Variants in UBFD1 observed in about 807,000 individuals in gnomAD.
The protein encoded by UBFD1 is ubiquitin family domain containing 1.
A neutral mutation model predicts 35.1 loss-of-function variants in UBFD1; 12 were observed. That is an observed-to-expected ratio of 0.34 (90% CI 0.22 to 0.55). The LOEUF is 0.55. UBFD1 is among the 20% of genes least tolerant of loss of function. UBFD1 has a pLI of 0.89. For synonymous variants in UBFD1, 178 were observed against 167.6 expected (o/e 1.06, Z -0.48); for missense variants, 337 against 410.8 (o/e 0.82, Z 1.55).
At chr16:23,558,583 C>T (rs916697) in intron 2 of UBFD1, among the ~76,000 whole-genome samples, 12,467 of 152,210 alleles carry the variant, frequency 0.082, 902 homozygotes, top group African/African-American at 0.19. Context: ...CTTCTGGGCC[C>T]TTTCCCAGGA....
At chr16:23,559,384 G>A in intron 2 of UBFD1, 84 bp from the exon 3 acceptor site, 1 of 1,242,164 alleles carries the variant, frequency 8.1e-7, no homozygotes, top group African/African-American at 1.5e-5. Context: ...TCACTTTTTG[G>A]TCTGTTACCA....
intron 3 of UBFD1, among the ~76,000 whole-genome samples, chr16:23,561,335 G>A (rs370731648): frequency 3.9e-5 from 6 of 152,180 alleles, no homozygotes; most frequent in Admixed American, 6.5e-5. Context: ...TGATTAAATT[G>A]TTACCTTCTA....
chr16:23,566,047 A>G (rs939701876), intron 5 of UBFD1: 2 of 152,222 alleles, frequency 1.3e-5, no homozygotes, highest in Admixed American at 1.3e-4. Flanking sequence ...ACTCGCCTCA[A>G]TGTCTTCTGA....
chr16:23,560,009 C>T, intron 3 of UBFD1: 2 of 841,690 alleles, frequency 2.4e-6, no homozygotes, highest in Admixed American at 6.5e-5. Context: ...GAAGTAAGCC[C>T]TCATTTTGTA....
rs1049136009 is a variant in UBFD1 at position 23,574,323 on chromosome 16, A to G, written c.*3733A>G. 2.6e-5 allele frequency: 4 copies of G among 152,496 alleles called. No individual in the cohort carries two copies. The highest frequency in any genetic ancestry group is 4.8e-5 in the African/African-American group (2 of 41,404). 9.4% of individuals were successfully genotyped at this position (152,496 alleles called of 1,614,324 possible). On this transcript the variant is annotated 3_prime_UTR_variant, in exon 7 of 7. Transcript: ENST00000395878. ...CTGCTGGATTTTTTTTTTAAAGTGT[A>G]ACCTTGAATAGCTGTCTTATTGTTT... is the stretch of plus-strand genomic sequence containing the variant.
At position 23,558,278 on chromosome 16, in the gene UBFD1, A is replaced by G; in HGVS notation, c.354A>G (p.Thr118=). Residue 118 remains threonine (T), a splice_region_variant and synonymous_variant, in exon 2 of 7, where the codon ACA becomes ACG. Coordinates refer to ENST00000395878, the MANE Select transcript of UBFD1 (RefSeq NM_019116.3). ...SELKQKIHSI[T]GLPPAMQKVM... is the part of the protein sequence containing the mutation. ...TGAAACAGAAGATCCACTCGATTAC[A>G]GGTAATTCCTGTGGCGCTGACAGCC... is the stretch of plus-strand genomic sequence containing the variant. The G allele has an allele frequency of 1.9e-6, 3 of 1,595,236 alleles. No homozygotes were observed. Among genetic ancestry groups the G allele is most frequent in the Non-Finnish European group, 1.7e-6 (2 of 1,171,572 alleles).
At chr16:23,561,418 G>A (rs1224206598) in intron 3 of UBFD1, among the ~76,000 whole-genome samples, 1 of 152,218 alleles carries the variant, frequency 6.6e-6, no homozygotes, top group Non-Finnish European at 1.5e-5. Context: ...GGAGAAGAAA[G>A]AAGACTCAGG....
chr16:23,560,328 A>G (rs1965912110), intron 3 of UBFD1, among the ~76,000 whole-genome samples: 1 of 152,184 alleles, frequency 6.6e-6, no homozygotes, highest in Non-Finnish European at 1.5e-5. Context: ...TTATTTTACT[A>G]TGGAAGGAAC....
intron 6 of UBFD1, chr16:23,568,790 T>C (rs1406746441): frequency 6.6e-6 from 1 of 151,714 alleles, no homozygotes; most frequent in Non-Finnish European, 1.5e-5. Flanking sequence ...ATCGTGCCAC[T>C]ACACTCCAGC....
rs1676441777 is a variant in UBFD1 at position 23,572,882 on chromosome 16, C to G, written c.*2292C>G. 1 of 152,236 alleles carries G rather than the reference C, an allele frequency of 6.6e-6. No homozygotes were observed. The highest frequency in any genetic ancestry group is 6.5e-5 in the Admixed American group (1 of 15,284). The allele number at this position is 152,236 out of a possible 1,614,324, so 9.4% of individuals were successfully genotyped here. Reference sequence around the variant, plus strand: ...AAATCAGCTTCAACAATCTTGAGCTCTGTGGCTCCTCACCCTGTCTGCATG... The same window carrying G: ...AAATCAGCTTCAACAATCTTGAGCTGTGTGGCTCCTCACCCTGTCTGCATG... On this transcript the variant is annotated 3_prime_UTR_variant, in exon 7 of 7. Transcript: ENST00000395878.
At position 23,573,404 on chromosome 16, in the gene UBFD1, T is replaced by TC. The variant is rs1322789265; in HGVS notation, c.*2817dup. ...TCACAGACATCATCATGCCTTTTTTTCCCTCCCTGAGGCGCCTTGGCAGAA... is the reference window on the plus strand; with the variant it reads ...TCACAGACATCATCATGCCTTTTTTTCCCCTCCCTGAGGCGCCTTGGCAGAA... On this transcript the variant is annotated 3_prime_UTR_variant, in exon 7 of 7. Transcript: ENST00000395878. 5 of 152,124 alleles carry TC rather than the reference T, an allele frequency of 3.3e-5. No individual in the cohort carries two copies. The highest frequency in any genetic ancestry group is 1.2e-4 in the African/African-American group (5 of 41,414). The allele number at this position is 152,124 out of a possible 1,614,324, so 9.4% of individuals were successfully genotyped here. A position where few individuals can be genotyped will look rare whatever the true frequency, so the allele number is the denominator to read the frequency against.
Position 23,558,055 on chromosome 16 carries a change from C to A in UBFD1, c.131C>A (p.Ala44Asp). Residue 44 changes from alanine (A) to aspartate (D), a missense_variant, in exon 2 of 7, where the codon GCC becomes GAC. Around this residue, in one of 4 missense-constraint regions of UBFD1, gnomAD observed 198 missense variants for 168.4 expected, o/e 1.18. Transcript: ENST00000395878. ...LEAEAAAGAA[A>D]EDSGAARGSL... Reference sequence around the variant, plus strand: ...GCTGAAGCCGCGGCGGGGGCGGCGGCCGAGGACTCCGGCGCCGCACGAGGC... The same window carrying A: ...GCTGAAGCCGCGGCGGGGGCGGCGGACGAGGACTCCGGCGCCGCACGAGGC... 2 of 1,350,738 alleles carry A rather than the reference C, an allele frequency of 1.5e-6. No homozygotes were observed. Among genetic ancestry groups the A allele is most frequent in the Non-Finnish European group, 1.9e-6 (2 of 1,054,542 alleles). 83.7% of individuals were successfully genotyped at this position (1,350,738 alleles called of 1,614,324 possible). A position where few individuals can be genotyped will look rare whatever the true frequency, so the allele number is the denominator to read the frequency against.
intron 5 of UBFD1, chr16:23,564,368 A>G (rs2269767): frequency 0.18 from 27,948 of 152,090 alleles, 2,745 homozygotes; most frequent in Middle Eastern, 0.22. Context: ...ATAACTTGCT[A>G]TTTTCTTCAT....
chr16:23,562,740 T>C lies in UBFD1; in HGVS notation c.736+10T>C. On this transcript the variant is annotated intron_variant, in intron 5 of 6. Transcript: ENST00000395878. ...TGGATTGGCACTAAAGGTATGTTCT[T>C]CCTCGCCTCCTTGCTGGCCCACTGC... 6.2e-7 allele frequency: 1 copy of C among 1,612,380 alleles called. No individual in the cohort carries two copies. Among genetic ancestry groups the C allele is most frequent in the Non-Finnish European group, 8.5e-7 (1 of 1,178,628 alleles).
intron 5 of UBFD1, chr16:23,564,349 A>T (rs1487980489): frequency 6.6e-6 from 1 of 152,190 alleles, no homozygotes; most frequent in Non-Finnish European, 1.5e-5. Flanking sequence ...GTTTTCTATC[A>T]ATTTTATGAT....
chr16:23,566,970 A>T lies in UBFD1; in HGVS notation c.737-17A>T, dbSNP rs1286198562. ...GGAGGGCCCTTTGAATAATCACTGTAATCCCTCTCAACTTAGAGCGGACTG... is the reference window on the plus strand; with the variant it reads ...GGAGGGCCCTTTGAATAATCACTGTTATCCCTCTCAACTTAGAGCGGACTG... On this transcript the variant is annotated splice_polypyrimidine_tract_variant and intron_variant, in intron 5 of 6. Coordinates refer to ENST00000395878, the MANE Select transcript of UBFD1 (RefSeq NM_019116.3). 6.2e-7 allele frequency: 1 copy of T among 1,613,226 alleles called. No homozygotes were observed. Among genetic ancestry groups the T allele is most frequent in the Admixed American group, 1.7e-5 (1 of 60,000 alleles).
At chr16:23,563,463 T>C (rs1006133052) in intron 5 of UBFD1, among the ~76,000 whole-genome samples, 1 of 152,182 alleles carries the variant, frequency 6.6e-6, no homozygotes, top group Non-Finnish European at 1.5e-5. Context: ...AAAGTCTTGT[T>C]AGTTACACTG....
intron 6 of UBFD1, chr16:23,568,978 A>G (rs1199318688): frequency 2.0e-5 from 3 of 152,170 alleles, no homozygotes; most frequent in African/African-American, 7.2e-5. Flanking sequence ...TAGGGAGTCC[A>G]AGGAAGTTGA....
intron 6 of UBFD1, chr16:23,568,534 A>T (rs1966041792): frequency 6.6e-6 from 1 of 151,142 alleles, no homozygotes; most frequent in Admixed American, 6.6e-5. Context: ...CTGTTTTAAC[A>T]GTTGGGCCAG....
Sources: allele counts gnomAD v4.1 joint callset (sites outside exome capture counted in the v4.1 genomes callset), GRCh38; gene constraint gnomAD v4.1.1; regional missense constraint gnomAD v4.1.1; transcripts MANE v1.5; gene names NCBI Gene and HGNC (gene_info 2026-07-23, HGNC 2026-07-21).